Variants in KAZN observed in about 807,000 individuals in gnomAD.
The protein encoded by KAZN is kazrin, periplakin interacting protein.
Under a neutral mutation model 87.4 loss-of-function variants are expected in KAZN, and 40 were observed. The observed-to-expected ratio is 0.46, with a 90% CI of 0.36 to 0.60. The LOEUF (loss-of-function observed/expected upper bound fraction) is 0.60, where lower values mean the gene tolerates loss of function less well. Among genes scored for constraint, KAZN ranks in the 20% least tolerant of loss-of-function variants. The pLI, the probability that KAZN is intolerant of heterozygous loss-of-function variation, is 0.00. For missense variants in KAZN, 898 were observed against 1,073.9 expected (o/e 0.84, Z 2.29); for synonymous variants, 466 against 458.3 (o/e 1.02, Z -0.22).
intron 2 of KAZN, among the ~76,000 whole-genome samples, chr1:14,229,239 C>G (rs184903075): frequency 6.6e-6 from 1 of 152,138 alleles, no homozygotes; most frequent in African/African-American, 2.4e-5. Flanking sequence ...CTCCTTAGCT[C>G]TCTTAAAAAA....
At chr1:14,713,805 G>GAAAGAAAGAAAT (rs1642627926) in intron 1 of KAZN, among the ~76,000 whole-genome samples, 1 of 115,158 alleles carries the variant, frequency 8.7e-6, no homozygotes, top group African/African-American at 3.4e-5. Context: ...AAAAAAGAAA[G>GAAAGAAAGAAAT]AATAATTAGG....
chr1:14,407,477 T>G (rs921314590), intron 2 of KAZN, among the ~76,000 whole-genome samples: 29 of 152,294 alleles, frequency 1.9e-4, no homozygotes, highest in African/African-American at 7.0e-4. Flanking sequence ...TAAGTGTGAT[T>G]GTAGCTCCAA....
At chr1:14,985,245 TGGTGGGAGGCCAA>T (rs67978474) in intron 2 of KAZN, among the ~76,000 whole-genome samples, 4,967 of 142,410 alleles carry the variant, frequency 0.035, 94 homozygotes, top group Non-Finnish European at 0.042. Context: ...CCCAGAACTT[TGGTGGGAGGCCAA>T]GGTGGGAGGC....
At chr1:14,969,873 G>A (rs1664833651) in intron 2 of KAZN, among the ~76,000 whole-genome samples, 1 of 152,152 alleles carries the variant, frequency 6.6e-6, no homozygotes, top group South Asian at 2.1e-4. Flanking sequence ...GAGTGCAGTG[G>A]CATGATCTTG....
chr1:14,225,930 C>T (rs1277240200), intron 2 of KAZN, among the ~76,000 whole-genome samples: 1 of 152,058 alleles, frequency 6.6e-6, no homozygotes, highest in African/African-American at 2.4e-5. Context: ...TAGGAATTAC[C>T]ATTTGAGACA....
At chr1:14,159,422 C>T (rs532735799) in intron 1 of KAZN, among the ~76,000 whole-genome samples, 9 of 152,296 alleles carry the variant, frequency 5.9e-5, no homozygotes, top group South Asian at 2.1e-4. Flanking sequence ...GCTAGACTAC[C>T]GCTGATGTTC....
At chr1:14,585,848 C>G (rs1167006195) in intron 2 of KAZN, among the ~76,000 whole-genome samples, 2 of 152,178 alleles carry the variant, frequency 1.3e-5, no homozygotes, top group Non-Finnish European at 2.9e-5. Flanking sequence ...TCGCCCACAT[C>G]CCCGAGGGAA....
chr1:14,783,838 T>C (rs1645425378), intron 1 of KAZN, among the ~76,000 whole-genome samples: 1 of 151,710 alleles, frequency 6.6e-6, no homozygotes. Flanking sequence ...ATGGAAGTAA[T>C]GGGGGTGGAG....
chr1:14,400,601 G>A lies in KAZN; in HGVS notation c.250-198382G>A, dbSNP rs140777973. 2.6e-4 allele frequency among the ~76,000 whole-genome samples: 40 copies of A among 152,232 alleles called. No individual in the cohort carries two copies. In the East Asian group the frequency reaches 7.7e-3, roughly 29 times the overall value. Reference sequence around the variant, plus strand: ...GGTTACTGTCTCCAGGCTATGCCAGGGACTGCAACAGGTGCTGTAATTACT... The same window carrying A: ...GGTTACTGTCTCCAGGCTATGCCAGAGACTGCAACAGGTGCTGTAATTACT... On this transcript the variant is annotated intron_variant, in intron 2 of 16. Transcript: ENST00000636203.
chr1:14,905,901 G>A, intron 1 of KAZN, among the ~76,000 whole-genome samples: 1 of 148,786 alleles, frequency 6.7e-6, no homozygotes, highest in East Asian at 2.0e-4. Context: ...GGACACGGTG[G>A]CTCATGCCTG....
intron 1 of KAZN, among the ~76,000 whole-genome samples, chr1:14,090,092 G>A (rs1643941781): frequency 6.6e-6 from 1 of 151,520 alleles, no homozygotes; most frequent in Non-Finnish European, 1.5e-5. Context: ...TTTTGTGACT[G>A]GCATGTTTTT....
rs917370997 is a variant in KAZN, at chr1:14,176,113, A to G, written c.92-4322A>G. On this transcript the variant is annotated intron_variant, in intron 1 of 16. Transcript: ENST00000636203. The stretch of plus-strand genomic sequence containing the variant: ...GGAGCACCTATTTCCACTTAGGGTA[A>G]CTCAGTCACTTCTGGTTTAAAAGTG... Among the ~76,000 whole-genome samples the G allele has an allele frequency of 2.6e-5, 4 of 152,194 alleles. 1 individual carries two copies. The South Asian group carries it at 6.2e-4, about 24-fold the overall frequency.
chr1:13,947,623 C>A (rs1233537495), intron 1 of KAZN, among the ~76,000 whole-genome samples: 1 of 152,188 alleles, frequency 6.6e-6, no homozygotes, highest in African/African-American at 2.4e-5. Flanking sequence ...TCTGCCCTGG[C>A]TGCCGTAACA....
intron 1 of KAZN, among the ~76,000 whole-genome samples, chr1:14,907,050 A>G (rs1367711431): frequency 6.6e-6 from 1 of 151,340 alleles, no homozygotes; most frequent in Non-Finnish European, 1.5e-5. Context: ...AGCATCAGCA[A>G]CTCCTCGGAG....
chr1:14,248,833 G>A (rs1392812214), intron 2 of KAZN, among the ~76,000 whole-genome samples: 6 of 152,202 alleles, frequency 3.9e-5, no homozygotes, highest in African/African-American at 1.4e-4. Flanking sequence ...GTCATGAAAG[G>A]TTCAGCAGCT....
At chr1:14,581,215 A>G in intron 2 of KAZN, among the ~76,000 whole-genome samples, 1 of 151,756 alleles carries the variant, frequency 6.6e-6, no homozygotes, top group East Asian at 1.9e-4. Context: ...ATCAGCATAC[A>G]CTCTATCCCC....
chr1:14,269,786 A>T (rs1159217606), intron 2 of KAZN, among the ~76,000 whole-genome samples: 1 of 152,174 alleles, frequency 6.6e-6, no homozygotes, highest in African/African-American at 2.4e-5. Context: ...ACCTGAGGTG[A>T]GGCTGCTGTG....
intron 2 of KAZN, among the ~76,000 whole-genome samples, chr1:14,465,872 C>T (rs1342341789): frequency 6.6e-6 from 1 of 152,058 alleles, no homozygotes; most frequent in Non-Finnish European, 1.5e-5. Flanking sequence ...AACAACAGAC[C>T]ACATACACAA....
intron 4 of KAZN, among the ~76,000 whole-genome samples, chr1:15,052,255 A>G (rs2100449203): frequency 6.6e-6 from 1 of 152,312 alleles, no homozygotes; most frequent in East Asian, 1.9e-4. Context: ...TCACAGTTCC[A>G]CATGGCTGGG....
Sources: gnomAD v4.1 joint callset for allele counts (sites outside exome capture counted in the v4.1 genomes callset) on GRCh38, gnomAD v4.1.1 for gene constraint, MANE v1.5 for transcripts, NCBI Gene and HGNC (gene_info 2026-07-23, HGNC 2026-07-21) for gene names.